Variants in MYO5B observed in about 807,000 individuals in gnomAD.
The protein encoded by MYO5B is myosin VB.
Under a neutral mutation model 229.3 loss-of-function variants are expected in MYO5B, and 143 were observed. The observed-to-expected ratio is 0.62, with a 90% CI of 0.54 to 0.72. MYO5B has a LOEUF of 0.72. MYO5B is among the 30% of genes least tolerant of loss of function. The pLI is 0.00. For missense variants in MYO5B, 2,321 were observed against 2,331.0 expected (o/e 1.00, Z 0.09); for synonymous variants, 918 against 885.2 (o/e 1.04, Z -0.66).
rs781717779 is a variant in MYO5B at position 49,843,305 on chromosome 18, T to C, written c.4547A>G (p.Asn1516Ser). 28 of 1,614,064 alleles carry C rather than the reference T, an allele frequency of 1.7e-5. No individual in the cohort carries two copies. Among genetic ancestry groups the C allele is most frequent in the South Asian group, 1.4e-4 (13 of 91,084 alleles). ...CAGGGAGTGCACCTTGAGATCGTCG[T>C]TGGTGTAGTCCGCGTGCCGGATGCA... ...YMCIRHADYTNDDLKVHSLLT... is the reference protein window; with the variant it reads ...YMCIRHADYTSDDLKVHSLLT... Residue 1516 changes from asparagine (N) to serine (S), a missense_variant, in exon 34 of 40, where the codon AAC becomes AGC. By Grantham distance (46) the Asn-to-Ser change is conservative (BLOSUM62 1). This residue lies in a region of MYO5B where 2,113 missense variants were observed against 2,044.7 expected (regional missense o/e 1.03). Coordinates refer to ENST00000285039, the MANE Select transcript of MYO5B (RefSeq NM_001080467.3).
At chr18:49,850,411 G>T (rs1598831565) in intron 31 of MYO5B, 1 of 152,886 alleles carries the variant, frequency 6.5e-6, no homozygotes, top group Non-Finnish European at 1.5e-5. Context: ...AGATCAGCCT[G>T]TTGACAGGAG....
chr18:49,851,493 G>A (rs2144057061), intron 31 of MYO5B, among the ~76,000 whole-genome samples: 1 of 152,352 alleles, frequency 6.6e-6, no homozygotes, highest in South Asian at 2.1e-4. Context: ...CATAGTGCTG[G>A]CCACAGTGGT....
chr18:49,915,888 A>G (rs767107790), intron 17 of MYO5B, among the ~76,000 whole-genome samples: 3 of 152,200 alleles, frequency 2.0e-5, no homozygotes, highest in Non-Finnish European at 2.9e-5. Context: ...AGTTTTAAAT[A>G]TAGACACTTA....
chr18:50,109,839 T>A (rs1179818097), intron 1 of MYO5B, among the ~76,000 whole-genome samples: 2 of 152,118 alleles, frequency 1.3e-5, no homozygotes, highest in Non-Finnish European at 2.9e-5. Flanking sequence ...CCCTCCATAC[T>A]ACAACATAAA....
chr18:49,965,854 A>G (rs2025619016), intron 10 of MYO5B, among the ~76,000 whole-genome samples: 1 of 152,248 alleles, frequency 6.6e-6, no homozygotes, highest in Admixed American at 6.5e-5. Context: ...ATTTGAGCTC[A>G]TAGTGAATGG....
intron 1 of MYO5B, among the ~76,000 whole-genome samples, chr18:50,118,626 C>CA (rs2032006547): frequency 7.2e-6 from 1 of 138,034 alleles, no homozygotes; most frequent in South Asian, 2.3e-4. Flanking sequence ...GTTGGCATTT[C>CA]TTTTTTTTTT....
chr18:50,089,357 G>A lies in MYO5B; in HGVS notation c.28-33979C>T, dbSNP rs143496038. ...CGCACCACTGCACTCTGGCCTGGGC[G>A]ACAGAGCAAGACTCCGTCTCAAAAA... On this transcript the variant is annotated intron_variant, in intron 1 of 39. Transcript: ENST00000285039. Among the ~76,000 whole-genome samples, 523 of 152,038 alleles carry A rather than the reference G, an allele frequency of 3.4e-3. 1 individual carries two copies. The highest frequency in any genetic ancestry group is 0.012 in the African/African-American group (477 of 41,446).
At chr18:49,911,208 T>C (rs1355389977) in intron 18 of MYO5B, among the ~76,000 whole-genome samples, 1 of 152,198 alleles carries the variant, frequency 6.6e-6, no homozygotes, top group Non-Finnish European at 1.5e-5. Context: ...GGCCGTGCTA[T>C]GTAGCCCCTG....
intron 1 of MYO5B, among the ~76,000 whole-genome samples, chr18:50,112,508 T>A (rs4939938): frequency 6.6e-6 from 1 of 152,176 alleles, no homozygotes; most frequent in Non-Finnish European, 1.5e-5. Flanking sequence ...GGGACCCCCA[T>A]GGCGCCTTAA....
At chr18:49,848,190 A>C (rs756045676) in intron 32 of MYO5B, among the ~76,000 whole-genome samples, 6 of 152,212 alleles carry the variant, frequency 3.9e-5, no homozygotes, top group Non-Finnish European at 8.8e-5. Flanking sequence ...ATTCACATGG[A>C]AACACTATGA....
At chr18:50,111,090 A>C (rs1345165008) in intron 1 of MYO5B, among the ~76,000 whole-genome samples, 5 of 152,226 alleles carry the variant, frequency 3.3e-5, no homozygotes, top group African/African-American at 1.2e-4. Flanking sequence ...TATATTAAGG[A>C]AATGGCAAAT....
At chr18:50,004,914 C>T (rs1339863289) in intron 4 of MYO5B, among the ~76,000 whole-genome samples, 2 of 152,226 alleles carry the variant, frequency 1.3e-5, no homozygotes, top group African/African-American at 4.8e-5. Context: ...TAAAGACAGA[C>T]TTGAATTTGA....
chr18:49,903,887 G>A (rs960888436), intron 20 of MYO5B, among the ~76,000 whole-genome samples: 10 of 152,274 alleles, frequency 6.6e-5, no homozygotes, highest in Middle Eastern at 6.8e-3. Context: ...AAGAGGTCGG[G>A]GCCTCCCTCC....
At chr18:49,846,827 A>G (rs1310526833) in intron 33 of MYO5B, among the ~76,000 whole-genome samples, 1 of 152,072 alleles carries the variant, frequency 6.6e-6, no homozygotes, top group East Asian at 1.9e-4. Context: ...AGAGAGCTGC[A>G]CCAAGGAAAG....
chr18:50,089,064 A>T (rs2031391163), intron 1 of MYO5B, among the ~76,000 whole-genome samples: 1 of 152,166 alleles, frequency 6.6e-6, no homozygotes, highest in Non-Finnish European at 1.5e-5. Context: ...ACCATTTTTT[A>T]AAAGTTTATC....
chr18:50,001,207 G>C (rs750446982), intron 5 of MYO5B, 48 bp downstream of exon 5: 10 of 1,612,622 alleles, frequency 6.2e-6, no homozygotes, highest in Non-Finnish European at 8.5e-6. Flanking sequence ...CTTGCTGCCA[G>C]TGGGAGGAGC....
intron 4 of MYO5B, among the ~76,000 whole-genome samples, chr18:50,018,327 T>C (rs1291152703): frequency 6.6e-6 from 1 of 152,038 alleles, no homozygotes; most frequent in Non-Finnish European, 1.5e-5. Flanking sequence ...CTAACTTATG[T>C]TATAAAGAAC....
intron 2 of MYO5B, among the ~76,000 whole-genome samples, chr18:50,053,369 G>C (rs1431857818): frequency 6.6e-6 from 1 of 152,208 alleles, no homozygotes; most frequent in Non-Finnish European, 1.5e-5. Context: ...AGCAGGGTGG[G>C]CGAGCATCTG....
At chr18:50,158,483 AAT>A in intron 1 of MYO5B, among the ~76,000 whole-genome samples, 1 of 152,280 alleles carries the variant, frequency 6.6e-6, no homozygotes, top group Non-Finnish European at 1.5e-5. Context: ...CACAATTATT[AAT>A]ATCTTTCCTT....
Sources: allele counts gnomAD v4.1 joint callset (sites outside exome capture counted in the v4.1 genomes callset), GRCh38; gene constraint gnomAD v4.1.1; regional missense constraint gnomAD v4.1.1; transcripts MANE v1.5; gene names NCBI Gene and HGNC (gene_info 2026-07-23, HGNC 2026-07-21).